Variants in MAP3K13 observed in about 807,000 individuals in gnomAD.
The protein encoded by MAP3K13 is leucine zipper-bearing kinase.
A neutral mutation model predicts 104.0 loss-of-function variants in MAP3K13; 52 were observed. The observed-to-expected ratio is 0.50, with a 90% confidence interval of 0.40 to 0.63. The LOEUF (loss-of-function observed/expected upper bound fraction) is 0.63. Ranked by LOEUF, MAP3K13 falls within the 20% of genes least tolerant of loss-of-function variation. The pLI is 0.00. For synonymous variants in MAP3K13, 394 were observed against 442.2 expected, an observed-to-expected ratio of 0.89 and a Z score of 1.37; for missense variants, 914 against 1,218.5, an observed-to-expected ratio of 0.75 and a Z score of 3.72.
At chr3:185,300,644 C>T (rs1242852974) in intron 2 of MAP3K13, among the ~76,000 whole-genome samples, 1 of 152,032 alleles carries the variant, frequency 6.6e-6, no homozygotes, top group Non-Finnish European at 1.5e-5. Context: ...AGGTGCCTGG[C>T]ATCACGCTGG....
At chr3:185,442,467 A>G (rs1715380352) in intron 3 of MAP3K13, among the ~76,000 whole-genome samples, 1 of 152,126 alleles carries the variant, frequency 6.6e-6, no homozygotes, top group Non-Finnish European at 1.5e-5. Flanking sequence ...TCTCTGAATT[A>G]TCTTCCTGTA....
Position 185,473,484 on chromosome 3 carries a change from C to T in MAP3K13, c.2153C>T (p.Ala718Val), listed in dbSNP as rs935020209. 6.2e-7 allele frequency: 1 copy of T among 1,614,108 alleles called. No individual in the cohort carries two copies. Among genetic ancestry groups the T allele is most frequent in the African/African-American group, 1.3e-5 (1 of 74,942 alleles). The change falls in exon 11 of 14, where the codon GCT becomes GTT. Residue 718 changes from alanine to valine, a missense_variant. Coordinates refer to ENST00000265026, the MANE Select transcript of MAP3K13 (RefSeq NM_004721.5). The surrounding 1 kb of genome is among the most constrained non-coding windows in gnomAD (Gnocchi z 4.9). ...AGTTCTGAGCCTGACAAGGGCCAAG[C>T]TGGTCCCTGGGGCTGTTGCCAGGCT... ...WRSSEPDKGQ[A>V]GPWGCCQADA...
chr3:185,474,862 C>G (rs1379557700), intron 11 of MAP3K13, among the ~76,000 whole-genome samples: 2 of 151,958 alleles, frequency 1.3e-5, no homozygotes, highest in Non-Finnish European at 2.9e-5. Context: ...TTTGGAAGGC[C>G]GAGGCAGGTG....
Position 185,428,546 on chromosome 3 carries a change from G to T in MAP3K13, c.-36G>T. On this transcript the variant is annotated 5_prime_UTR_variant, in exon 2 of 14. Transcript: ENST00000265026. Reference sequence around the variant, plus strand: ...GAACTCTGTCCCAAAAATCTTCTGAGTGTCATCTCAGGACTTTGGTTATAC... The same window carrying T: ...GAACTCTGTCCCAAAAATCTTCTGATTGTCATCTCAGGACTTTGGTTATAC... The T allele has an allele frequency of 6.6e-7, 1 of 1,524,028 alleles. No homozygotes were observed. Among genetic ancestry groups the T allele is most frequent in the Non-Finnish European group, 8.8e-7 (1 of 1,137,284 alleles). The allele number at this position is 1,524,028 out of a possible 1,614,324, so 94.4% of individuals were successfully genotyped here.
At chr3:185,400,215 C>T (rs1160080699) in intron 1 of MAP3K13, among the ~76,000 whole-genome samples, 1 of 152,178 alleles carries the variant, frequency 6.6e-6, no homozygotes, top group Admixed American at 6.5e-5. Flanking sequence ...TGTGCGTCTC[C>T]CCAAACAACC....
intron 1 of MAP3K13, among the ~76,000 whole-genome samples, chr3:185,380,958 T>TG: frequency 6.8e-6 from 1 of 147,632 alleles, no homozygotes; most frequent in East Asian, 2.0e-4. Flanking sequence ...GTTTTTTTTT[T>TG]GTTTTTTTTT....
chr3:185,333,524 TAGTA>T (rs1398769725), intron 2 of MAP3K13, among the ~76,000 whole-genome samples: 2 of 152,152 alleles, frequency 1.3e-5, no homozygotes, highest in African/African-American at 4.8e-5. Flanking sequence ...TTAATGAACT[TAGTA>T]AGGCCACAGG....
intron 1 of MAP3K13, among the ~76,000 whole-genome samples, chr3:185,426,524 A>G (rs1714429380): frequency 6.6e-6 from 1 of 152,232 alleles, no homozygotes; most frequent in Non-Finnish European, 1.5e-5. Context: ...AATCCGCAAT[A>G]TAAGATACTA....
chr3:185,475,093 CAAAAA>C (rs972600527), intron 11 of MAP3K13, among the ~76,000 whole-genome samples: 6 of 41,852 alleles, frequency 1.4e-4, no homozygotes, highest in Non-Finnish European at 2.1e-4. Flanking sequence ...GACCCCATCT[CAAAAA>C]AAAAAAAAAA....
chr3:185,395,839 C>G (rs910294059), intron 1 of MAP3K13, among the ~76,000 whole-genome samples: 2 of 151,824 alleles, frequency 1.3e-5, no homozygotes, highest in African/African-American at 4.8e-5. Context: ...CACGCATGCT[C>G]GGTGAATTTT....
At chr3:185,387,253 T>C (rs1413856848) in intron 1 of MAP3K13, among the ~76,000 whole-genome samples, 1 of 152,156 alleles carries the variant, frequency 6.6e-6, no homozygotes, top group Non-Finnish European at 1.5e-5. Context: ...AGATCCCTCA[T>C]GAATATACTA....
chr3:185,300,207 TCAGA>T (rs1421301005), intron 2 of MAP3K13, among the ~76,000 whole-genome samples: 2 of 150,216 alleles, frequency 1.3e-5, no homozygotes, highest in Non-Finnish European at 3.0e-5. Flanking sequence ...TTTTTTTTTT[TCAGA>T]CAGAGTTTCA....
At chr3:185,427,329 A>G (rs1714485415) in intron 1 of MAP3K13, among the ~76,000 whole-genome samples, 2 of 152,144 alleles carry the variant, frequency 1.3e-5, no homozygotes, top group South Asian at 4.2e-4. Context: ...ACACCACTGT[A>G]CTCCAGTCTA....
intron 11 of MAP3K13, among the ~76,000 whole-genome samples, chr3:185,474,579 G>A (rs1718001632): frequency 6.6e-6 from 1 of 152,110 alleles, no homozygotes; most frequent in South Asian, 2.1e-4. Flanking sequence ...TGAACATACA[G>A]CCTTTTTAAA....
intron 2 of MAP3K13, among the ~76,000 whole-genome samples, chr3:185,295,671 A>T (rs1305954881): frequency 3.2e-5 from 4 of 126,720 alleles, no homozygotes; most frequent in African/African-American, 1.2e-4. Context: ...TCCCTTCTCT[A>T]TCATTCTGTC....
intron 2 of MAP3K13, among the ~76,000 whole-genome samples, chr3:185,299,454 T>G (rs1472605262): frequency 6.6e-6 from 1 of 152,228 alleles, no homozygotes; most frequent in African/African-American, 2.4e-5. Flanking sequence ...GCTGCCAGAA[T>G]GAAGTACAGC....
chr3:185,418,852 A>T lies in MAP3K13; in HGVS notation c.-85-9645A>T, dbSNP rs1713959880. 2 of 1,470,438 alleles carry T rather than the reference A, an allele frequency of 1.4e-6. No individual in the cohort carries two copies. The highest frequency in any genetic ancestry group is 1.8e-6 in the Non-Finnish European group (2 of 1,091,092). The allele number at this position is 1,470,438 out of a possible 1,614,324, so 91.1% of individuals were successfully genotyped here. The stretch of plus-strand genomic sequence containing the variant: ...AGGAAAAGCATGTTCTTGTCTTTTC[A>T]TCTGTTTTGGGTTTCAGTTCTCTTA... On this transcript the variant is annotated intron_variant, in intron 1 of 13. Transcript: ENST00000265026. The surrounding 1 kb of genome is among the most constrained non-coding windows in gnomAD (Gnocchi z 4.5).
intron 2 of MAP3K13, among the ~76,000 whole-genome samples, chr3:185,342,788 A>T (rs1471068349): frequency 6.6e-6 from 1 of 152,220 alleles, no homozygotes; most frequent in Non-Finnish European, 1.5e-5. Flanking sequence ...TCAGTGGCTC[A>T]AAACAATACA....
intron 2 of MAP3K13, among the ~76,000 whole-genome samples, chr3:185,317,432 G>A (rs1721717351): frequency 6.6e-6 from 1 of 152,166 alleles, no homozygotes; most frequent in Non-Finnish European, 1.5e-5. Flanking sequence ...CCTTTTCATA[G>A]TTTATCTGAA....
Sources: gnomAD v4.1 joint callset for allele counts (sites outside exome capture counted in the v4.1 genomes callset) on GRCh38, gnomAD v4.1.1 for gene constraint, Gnocchi (gnomAD v3.1) non-coding constraint, MANE v1.5 for transcripts, NCBI Gene and HGNC (gene_info 2026-07-23, HGNC 2026-07-21) for gene names.